SYT1: variants seen among roughly 807,000 people sequenced by gnomAD.
SYT1 encodes the protein synaptotagmin-1.
In SYT1, 8 loss-of-function variants were observed where a neutral mutation model predicts 44.8. That is an observed-to-expected ratio of 0.18 (90% CI 0.10 to 0.32). The LOEUF (loss-of-function observed/expected upper bound fraction) is 0.32. Among genes scored for constraint, SYT1 ranks in the 10% least tolerant of loss-of-function variants. The pLI, the probability that SYT1 is intolerant of heterozygous loss-of-function variation, is 1.00. For missense variants in SYT1, 286 were observed against 509.3 expected (o/e 0.56, Z 4.22); for synonymous variants, 154 against 188.8 (o/e 0.82, Z 1.51).
At chr12:78,995,805 A>C (rs1468695273) in intron 2 of SYT1, 9 of 152,156 alleles carry the variant, frequency 5.9e-5, no homozygotes, top group Admixed American at 5.9e-4. Context: ...GCTGAGGTTT[A>C]CCAGATGGAT....
intron 3 of SYT1, among the ~76,000 whole-genome samples, chr12:79,107,180 A>T (rs959652582): frequency 6.6e-6 from 1 of 152,004 alleles, no homozygotes; most frequent in East Asian, 1.9e-4. Flanking sequence ...AACTCAAGAC[A>T]TTTAAAACAT....
At chr12:78,917,184 C>G (rs1876703268) in intron 1 of SYT1, among the ~76,000 whole-genome samples, 1 of 151,948 alleles carries the variant, frequency 6.6e-6, no homozygotes, top group South Asian at 2.1e-4. Context: ...ATAGCTCAAT[C>G]CCTTGTGGCT....
At chr12:78,969,568 A>G (rs922369008) in intron 1 of SYT1, among the ~76,000 whole-genome samples, 15 of 152,334 alleles carry the variant, frequency 9.8e-5, no homozygotes, top group African/African-American at 3.6e-4. Flanking sequence ...GCAGGGGATC[A>G]GGATAGGAAT....
rs373591024 is a variant in SYT1 at position 79,322,050 on chromosome 12, C to A, written c.810+22499C>A. 4.6e-5 allele frequency among the ~76,000 whole-genome samples: 7 copies of A among 152,176 alleles called. 1 individual carries two copies. Among genetic ancestry groups the A allele is most frequent in the Admixed American group, 3.3e-4 (5 of 15,282 alleles). On this transcript the variant is annotated intron_variant, in intron 8 of 10. Transcript: ENST00000261205. ...GATGAAGTGACCCACCGTTTCCCAC[C>A]GCCCCTCTCATTCTCAGTATACAGT...
intron 9 of SYT1, among the ~76,000 whole-genome samples, chr12:79,421,611 T>C (rs1041875885): frequency 2.0e-5 from 3 of 152,142 alleles, no homozygotes; most frequent in African/African-American, 7.2e-5. Flanking sequence ...TTGGTTGGTA[T>C]ACATATTGCT....
At chr12:79,098,925 G>A (rs1163064795) in intron 3 of SYT1, among the ~76,000 whole-genome samples, 1 of 152,156 alleles carries the variant, frequency 6.6e-6, no homozygotes, top group African/African-American at 2.4e-5. Context: ...TCCAATGTAT[G>A]AGTATCGACT....
chr12:79,322,798 T>A (rs1247791270), intron 8 of SYT1, among the ~76,000 whole-genome samples: 1 of 152,156 alleles, frequency 6.6e-6, no homozygotes, highest in African/African-American at 2.4e-5. Context: ...CAGCTGGGAA[T>A]GACTTTCTGA....
chr12:79,382,071 A>G (rs1304785919), intron 9 of SYT1, among the ~76,000 whole-genome samples: 1 of 152,148 alleles, frequency 6.6e-6, no homozygotes, highest in Non-Finnish European at 1.5e-5. Context: ...ATTTTAGTCA[A>G]CGTGTTTTTC....
At chr12:79,151,666 T>C (rs1870281452) in intron 3 of SYT1, among the ~76,000 whole-genome samples, 1 of 151,758 alleles carries the variant, frequency 6.6e-6, no homozygotes, top group African/African-American at 2.4e-5. Flanking sequence ...AGATTATGAG[T>C]ATAGAAAGGA....
chr12:79,314,190 A>AAT (rs945049912), intron 8 of SYT1, among the ~76,000 whole-genome samples: 3 of 151,672 alleles, frequency 2.0e-5, no homozygotes, highest in African/African-American at 7.3e-5. Flanking sequence ...AAAAAAAAAA[A>AAT]AAATTAGCGG....
At chr12:79,319,838 G>A (rs73352944) in intron 8 of SYT1, among the ~76,000 whole-genome samples, 1,615 of 152,202 alleles carry the variant, frequency 0.011, 30 homozygotes, top group African/African-American at 0.037. Flanking sequence ...CTGGAAAAAC[G>A]CAATAATGTC....
intron 4 of SYT1, among the ~76,000 whole-genome samples, chr12:79,266,773 G>T (rs1363913575): frequency 2.0e-5 from 3 of 152,174 alleles, no homozygotes; most frequent in African/African-American, 7.2e-5. Flanking sequence ...GACAAAAACA[G>T]AGCAAACTAC....
chr12:78,894,271 G>T (rs1565705826), intron 1 of SYT1, among the ~76,000 whole-genome samples: 3 of 122,398 alleles, frequency 2.5e-5, no homozygotes, highest in Non-Finnish European at 5.0e-5. Flanking sequence ...TACTTCGATT[G>T]TATCCATTTT....
chr12:78,936,407 C>T (rs1351259457), intron 1 of SYT1, among the ~76,000 whole-genome samples: 1 of 152,020 alleles, frequency 6.6e-6, no homozygotes. Context: ...AAAAGTTAAA[C>T]CTTGCTTATT....
chr12:79,371,667 A>G (rs117482385), intron 9 of SYT1, among the ~76,000 whole-genome samples: 4,741 of 152,334 alleles, frequency 0.031, 117 homozygotes, highest in Non-Finnish European at 0.049. Flanking sequence ...GCCGTGAAAC[A>G]GTGAGCTGTG....
chr12:78,964,962 T>G (rs533619810), intron 1 of SYT1, among the ~76,000 whole-genome samples: 1 of 152,082 alleles, frequency 6.6e-6, no homozygotes, highest in Non-Finnish European at 1.5e-5. Context: ...CTGATGTAAA[T>G]AATAATATTT....
intron 4 of SYT1, among the ~76,000 whole-genome samples, chr12:79,277,457 C>T (rs567163842): frequency 6.6e-6 from 1 of 152,196 alleles, no homozygotes; most frequent in Admixed American, 6.5e-5. Flanking sequence ...CATTCCCAGA[C>T]AAACAAATGC....
intron 8 of SYT1, among the ~76,000 whole-genome samples, chr12:79,331,496 G>A (rs1881852853): frequency 6.6e-6 from 1 of 152,000 alleles, no homozygotes; most frequent in South Asian, 2.1e-4. Context: ...AGACTTTTTA[G>A]GACATCTAAA....
rs545459144 is a variant in SYT1, at chr12:79,328,477, G to A, written c.811-25025G>A. Among the ~76,000 whole-genome samples, 128 of 152,268 alleles carry A rather than the reference G, an allele frequency of 8.4e-4. 1 individual carries two copies. Among genetic ancestry groups the A allele is most frequent in the African/African-American group, 3.0e-3 (123 of 41,560 alleles). ...GCAGTATTTAATGTTCTCCTAAATA[G>A]TACCATACCCACAGTCAAGGAGCAT... On this transcript the variant is annotated intron_variant, in intron 8 of 10. Transcript: ENST00000261205.
Sources: gnomAD v4.1 joint callset for allele counts (sites outside exome capture counted in the v4.1 genomes callset) on GRCh38, gnomAD v4.1.1 for gene constraint, MANE v1.5 for transcripts, NCBI Gene and HGNC (gene_info 2026-07-23, HGNC 2026-07-21) for gene names.